SEMA6D: variants seen among roughly 807,000 people sequenced by gnomAD.
SEMA6D encodes semaphorin 6D, also known as semaphorin-6D.
Under a neutral mutation model 106.6 loss-of-function variants are expected in SEMA6D, and 35 were observed. That is an observed-to-expected ratio of 0.33 (90% CI 0.25 to 0.44). SEMA6D has a LOEUF of 0.44. Ranked by LOEUF, SEMA6D falls within the 20% of genes least tolerant of loss-of-function variation. SEMA6D has a pLI of 1.00. For missense variants in SEMA6D, 1,185 were observed against 1,345.9 expected (o/e 0.88, Z 1.87); for synonymous variants, 499 against 487.7 (o/e 1.02, Z -0.31).
chr15:47,533,436 C>T (rs972351694), intron 3 of SEMA6D, among the ~76,000 whole-genome samples: 9 of 152,060 alleles, frequency 5.9e-5, no homozygotes, highest in African/African-American at 1.9e-4. Context: ...CTGTTTATGG[C>T]TATTATCTTT....
intron 3 of SEMA6D, among the ~76,000 whole-genome samples, chr15:47,535,299 A>G (rs2045123333): frequency 6.6e-6 from 1 of 152,152 alleles, no homozygotes; most frequent in Admixed American, 6.5e-5. Flanking sequence ...AGGTAGATAC[A>G]GGTGTTCACC....
At chr15:47,696,368 C>T (rs2078698883) in intron 4 of SEMA6D, among the ~76,000 whole-genome samples, 1 of 152,176 alleles carries the variant, frequency 6.6e-6, no homozygotes, top group Non-Finnish European at 1.5e-5. Flanking sequence ...TCACGCAGAA[C>T]AAGGGACATC....
intron 3 of SEMA6D, among the ~76,000 whole-genome samples, chr15:47,534,431 C>T (rs2045085715): frequency 6.6e-6 from 1 of 152,134 alleles, no homozygotes; most frequent in Non-Finnish European, 1.5e-5. Context: ...GATCCACCCA[C>T]CGCAGCCTCC....
At chr15:47,189,558 G>A (rs575890786) in intron 1 of SEMA6D, among the ~76,000 whole-genome samples, 1 of 152,158 alleles carries the variant, frequency 6.6e-6, no homozygotes, top group Non-Finnish European at 1.5e-5. Context: ...GACCCAAGGA[G>A]GCATGGTTAG....
intron 2 of SEMA6D, among the ~76,000 whole-genome samples, chr15:47,456,186 A>G (rs1469700106): frequency 2.6e-5 from 4 of 152,064 alleles, no homozygotes; most frequent in African/African-American, 9.6e-5. Flanking sequence ...GTGATCTATG[A>G]CTTACCCCCA....
intron 2 of SEMA6D, among the ~76,000 whole-genome samples, chr15:47,412,795 A>G (rs1394646835): frequency 6.6e-6 from 1 of 152,196 alleles, no homozygotes. Context: ...GCACAAAGAG[A>G]CACAGAGTTT....
chr15:47,482,670 G>C (rs993980070), intron 3 of SEMA6D, among the ~76,000 whole-genome samples: 1 of 152,142 alleles, frequency 6.6e-6, no homozygotes, highest in Non-Finnish European at 1.5e-5. Context: ...GAGGAAAAAT[G>C]ATGAGTAGGA....
rs758785255 is a variant in SEMA6D, at chr15:47,527,401, C to A, written c.-87+56856C>A. 3.3e-5 allele frequency among the ~76,000 whole-genome samples: 5 copies of A among 152,128 alleles called. 1 individual carries two copies. The highest frequency in any genetic ancestry group is 2.9e-5 in the Non-Finnish European group (2 of 68,026). ...TTATATGGAAATGCCAAAAAAATTT[C>A]TATGATAGCACATATAGATTGTTCT... On this transcript the variant is annotated intron_variant, in intron 3 of 19. Coordinates refer to the SEMA6D transcript ENST00000558014.
Position 47,764,316 on chromosome 15 carries a change from AAGT to A in SEMA6D, c.1097+14_1097+16del, listed in dbSNP as rs1567103174. On this transcript the variant is annotated intron_variant, in intron 11 of 18. Transcript: ENST00000536845. ...AGTGCCAAAGCCAAGGTAAATAAAA[AAGT>A]AGAAAAGGGTTTTGTCTTGAACAAA... 6.2e-7 allele frequency: 1 copy of A among 1,609,760 alleles called. No homozygotes were observed. Among genetic ancestry groups the A allele is most frequent in the Non-Finnish European group, 8.5e-7 (1 of 1,178,662 alleles).
intron 1 of SEMA6D, among the ~76,000 whole-genome samples, chr15:47,336,232 G>T (rs1047658085): frequency 6.6e-6 from 1 of 152,136 alleles, no homozygotes; most frequent in Non-Finnish European, 1.5e-5. Flanking sequence ...TGTGTCGTGG[G>T]AATGGACATG....
chr15:47,259,997 GT>G lies in SEMA6D; in HGVS notation c.-239+75590del, dbSNP rs201793716. ...CTATTGTATTGAGCCCATTTAGCATGTTTTTTTTTTTCCATTTTGGTTATTG... is the reference window on the plus strand; with the variant it reads ...CTATTGTATTGAGCCCATTTAGCATGTTTTTTTTTTCCATTTTGGTTATTG... On this transcript the variant is annotated intron_variant, in intron 1 of 19. Transcript: ENST00000558014. Among the ~76,000 whole-genome samples, 365 of 143,390 alleles carry G rather than the reference GT, an allele frequency of 2.5e-3. 1 individual carries two copies. Among genetic ancestry groups the G allele is most frequent in the African/African-American group, 3.2e-3 (126 of 39,370 alleles). 94.1% of individuals were successfully genotyped at this position (143,390 alleles called of 152,430 possible).
chr15:47,227,417 T>TTCTC (rs1171172283), intron 1 of SEMA6D, among the ~76,000 whole-genome samples: 110 of 28,146 alleles, frequency 3.9e-3, no homozygotes, highest in East Asian at 9.8e-3. Flanking sequence ...CTTTCTTTCT[T>TTCTC]TCTCTTTCTT....
intron 4 of SEMA6D, among the ~76,000 whole-genome samples, chr15:47,625,727 GA>G (rs1566943572): frequency 6.6e-6 from 1 of 150,702 alleles, no homozygotes; most frequent in Admixed American, 6.6e-5. Context: ...AATAAATTTT[GA>G]AAAAAGAAAA....
chr15:47,651,148 A>T (rs2077682263), intron 4 of SEMA6D, among the ~76,000 whole-genome samples: 1 of 152,144 alleles, frequency 6.6e-6, no homozygotes, highest in African/African-American at 2.4e-5. Context: ...GATGGCTCAT[A>T]CCTGTAATCC....
chr15:47,304,895 A>G (rs946079425), intron 1 of SEMA6D, among the ~76,000 whole-genome samples: 6 of 152,220 alleles, frequency 3.9e-5, no homozygotes, highest in Non-Finnish European at 5.9e-5. Flanking sequence ...ATTCAACAAC[A>G]ATATTCAGTC....
At chr15:47,459,005 G>C (rs1254275896) in intron 2 of SEMA6D, among the ~76,000 whole-genome samples, 1 of 151,984 alleles carries the variant, frequency 6.6e-6, no homozygotes, top group Non-Finnish European at 1.5e-5. Context: ...GCGTGAATGG[G>C]ACCTGTGACT....
At chr15:47,595,777 A>AT (rs942466954) in intron 3 of SEMA6D, among the ~76,000 whole-genome samples, 3 of 151,528 alleles carry the variant, frequency 2.0e-5, no homozygotes, top group Non-Finnish European at 2.9e-5. Flanking sequence ...TTAGATTTTA[A>AT]TTTTTTTTCT....
intron 1 of SEMA6D, among the ~76,000 whole-genome samples, chr15:47,360,728 A>G (rs567895205): frequency 3.9e-5 from 6 of 152,370 alleles, no homozygotes; most frequent in Admixed American, 6.5e-5. Context: ...TTTTTATCCA[A>G]CTACCTCCAC....
rs371766331 is a variant in SEMA6D, at chr15:47,469,000, G to A, written c.-158-1474G>A. ...CTGAACTCTTGAGGTCTCTGGGTAC[G>A]GAAAGTCTGTCACTGCCAAATTTCC... On this transcript the variant is annotated intron_variant, in intron 2 of 19. Coordinates refer to the SEMA6D transcript ENST00000558014. 9.2e-5 allele frequency among the ~76,000 whole-genome samples: 14 copies of A among 152,172 alleles called. No homozygotes were observed. The South Asian group carries it at 2.9e-3, about 32-fold the overall frequency.
Sources: allele counts gnomAD v4.1 joint callset (sites outside exome capture counted in the v4.1 genomes callset), GRCh38; gene constraint gnomAD v4.1.1; transcripts MANE v1.5; gene names NCBI Gene and HGNC (gene_info 2026-07-23, HGNC 2026-07-21).